Variants in ARAP3 observed in about 807,000 individuals in gnomAD.
The protein encoded by ARAP3 is arf-GAP with Rho-GAP domain, ANK repeat and PH domain-containing protein 3.
A neutral mutation model predicts 169.2 loss-of-function variants in ARAP3; 82 were observed. That is an observed-to-expected ratio of 0.48 (90% CI 0.41 to 0.58). ARAP3 has a LOEUF of 0.58. ARAP3 is among the 20% of genes least tolerant of loss of function. ARAP3 has a pLI of 0.00. For synonymous variants in ARAP3, 791 were observed against 800.3 expected (o/e 0.99, Z 0.20); for missense variants, 1,764 against 2,018.0 (o/e 0.87, Z 2.41).
At chr5:141,676,356 CA>C (rs1177595382) in intron 4 of ARAP3, among the ~76,000 whole-genome samples, 2 of 152,156 alleles carry the variant, frequency 1.3e-5, no homozygotes, top group East Asian at 1.9e-4. Flanking sequence ...TCAAAAACAA[CA>C]AAAAAACTCT....
At position 141,658,640 on chromosome 5, in the gene ARAP3, C is replaced by G. The variant is rs747712726; in HGVS notation, c.3350G>C (p.Gly1117Ala). The G allele has an allele frequency of 1.3e-6, 2 of 1,597,410 alleles. No individual in the cohort carries two copies. The highest frequency in any genetic ancestry group is 3.7e-5 in the Admixed American group (2 of 54,028). ...TWKDVQLSQA[G>A]DLIMEVYIEQ... ...TATATAAACTTCCATGATGAGGTCT[C>G]CAGCCTGAGACAGCTGAGGGGAGGG... The change falls in exon 24 of 33, where the codon GGA (glycine) becomes GCA (alanine). Residue 1117 changes from glycine (G) to alanine (A), a missense_variant. Gly to Ala is a moderately conservative substitution (Grantham distance 60, BLOSUM62 0). Transcript: ENST00000239440.
intron 4 of ARAP3, among the ~76,000 whole-genome samples, chr5:141,674,938 C>CAAATG (rs1287812459): frequency 1.3e-5 from 2 of 152,326 alleles, no homozygotes; most frequent in Middle Eastern, 3.4e-3. Flanking sequence ...GCAGATGAGA[C>CAAATG]CATTTTACTC....
rs948049982 is a variant in ARAP3, at chr5:141,680,075, G to C, written c.412C>G (p.Leu138Val). The change falls in exon 2 of 33, where the codon CTC becomes GTC. Residue 138 changes from leucine to valine, a missense_variant. Around this residue, in one of 3 missense-constraint regions of ARAP3, gnomAD observed 630 missense variants for 678.7 expected, o/e 0.93. Transcript: ENST00000239440. ...SPEPSPRPPP[L>V]PTSSSEQSSA... ...GACTGCTCAGAGGAGGAAGTGGGGAGAGGAGGAGGCCTTGGGCTGGGCTCT... is the reference window on the plus strand; with the variant it reads ...GACTGCTCAGAGGAGGAAGTGGGGACAGGAGGAGGCCTTGGGCTGGGCTCT... 2 of 1,613,966 alleles carry C rather than the reference G, an allele frequency of 1.2e-6. No individual in the cohort carries two copies. The highest frequency in any genetic ancestry group is 2.7e-5 in the African/African-American group (2 of 74,914).
chr5:141,655,857 C>T lies in ARAP3; in HGVS notation c.3972+12G>A. On this transcript the variant is annotated intron_variant, in intron 30 of 32. Transcript: ENST00000239440. ...CCACAGACCCAGCCCTCAGCCTTTTCTTTCCCCTCACCTGGGCTTTAAGGA... is the reference window on the plus strand; with the variant it reads ...CCACAGACCCAGCCCTCAGCCTTTTTTTTCCCCTCACCTGGGCTTTAAGGA... 1 of 1,614,098 alleles carries T rather than the reference C, an allele frequency of 6.2e-7. No homozygotes were observed. Among genetic ancestry groups the T allele is most frequent in the Non-Finnish European group, 8.5e-7 (1 of 1,179,948 alleles).
intron 16 of ARAP3, among the ~76,000 whole-genome samples, chr5:141,667,536 A>G (rs1437929474): frequency 6.8e-6 from 1 of 147,788 alleles, no homozygotes; most frequent in East Asian, 2.1e-4. Context: ...CGGGTTCAAG[A>G]GATTCTCCTG....
rs141150677 is a variant in ARAP3 at position 141,673,282 on chromosome 5, C to T, written c.972+119G>A. The T allele has an allele frequency of 6.5e-6, 10 of 1,550,054 alleles. No individual in the cohort carries two copies. The East Asian group carries it at 1.6e-4, about 25-fold the overall frequency. Reference sequence around the variant, plus strand: ...AGCCAGCTACTTTAAATGCTGACATCAGTCATGCAGTCACTGCCCCGCCCA... The same window carrying T: ...AGCCAGCTACTTTAAATGCTGACATTAGTCATGCAGTCACTGCCCCGCCCA... On this transcript the variant is annotated intron_variant, in intron 6 of 32. Transcript: ENST00000239440.
At chr5:141,654,560 G>A in intron 32 of ARAP3, 125 bp from the exon 33 acceptor site, 2 of 1,348,066 alleles carry the variant, frequency 1.5e-6, no homozygotes, top group Non-Finnish European at 2.0e-6. Context: ...TATGATTCTG[G>A]AACAACCCTG....
rs1198015791 is a variant in ARAP3, at chr5:141,662,074, T to C, written c.2982A>G (p.Ala994=). 6 of 1,614,070 alleles carry C rather than the reference T, an allele frequency of 3.7e-6. No homozygotes were observed. Among genetic ancestry groups the C allele is most frequent in the East Asian group, 2.2e-5 (1 of 44,886 alleles). Residue 994 remains alanine, a synonymous_variant, in exon 20 of 33, where the codon GCA becomes GCG. Coordinates refer to ENST00000239440, the MANE Select transcript of ARAP3 (RefSeq NM_022481.6). ...CCTCCCTCCAGCGAGGCAGCAACCGTGCAGAGGTCACAGGGTCATCGAGCT... is the reference window on the plus strand; with the variant it reads ...CCTCCCTCCAGCGAGGCAGCAACCGCGCAGAGGTCACAGGGTCATCGAGCT... The part of the protein sequence containing the change: ...FRELDDPVTS[A]RLLPRWREAA...
intron 32 of ARAP3, 75 bp from the exon 33 acceptor site, chr5:141,654,510 G>C (rs1473799277): frequency 6.0e-6 from 9 of 1,500,630 alleles, no homozygotes; most frequent in African/African-American, 2.8e-5. Flanking sequence ...CATTTACTGA[G>C]CTCTTCCTCT....
In ARAP3 at chr5:141,672,831, G is replaced by A. The variant is rs1157370742; in HGVS notation, c.1188C>T (p.Leu396=). The A allele has an allele frequency of 1.2e-6, 2 of 1,613,362 alleles. No individual in the cohort carries two copies. Among genetic ancestry groups the A allele is most frequent in the Non-Finnish European group, 1.7e-6 (2 of 1,179,660 alleles). ...HPRPPQPPRP[L]RTGMLELRGH... ...CACGCAGCTCCAGCATGCCCGTGCGGAGGGGTCGGGGTGGTTGGGGGGGCC... is the reference window on the plus strand; with the variant it reads ...CACGCAGCTCCAGCATGCCCGTGCGAAGGGGTCGGGGTGGTTGGGGGGGCC... Residue 396 remains leucine (L), a synonymous_variant, in exon 8 of 33, where the codon CTC becomes CTT. Coordinates refer to ENST00000239440, the MANE Select transcript of ARAP3 (RefSeq NM_022481.6). This position sits in a 1 kb window ranked among gnomAD's most constrained non-coding sequence, Gnocchi z 4.9.
At chr5:141,675,285 C>T (rs1473596299) in intron 4 of ARAP3, among the ~76,000 whole-genome samples, 2 of 152,234 alleles carry the variant, frequency 1.3e-5, no homozygotes, top group East Asian at 1.9e-4. Context: ...GGGTTCTCAA[C>T]CTCAACAGCA....
intron 25 of ARAP3, 91 bp downstream of exon 25, chr5:141,658,274 T>G: frequency 7.9e-7 from 1 of 1,264,340 alleles, no homozygotes; most frequent in Non-Finnish European, 1.1e-6. Flanking sequence ...ACCATTCATA[T>G]TTGGTAACAT....
intron 1 of ARAP3, 86 bp from the exon 2 acceptor site, chr5:141,680,589 C>G: frequency 6.9e-7 from 1 of 1,443,406 alleles, no homozygotes; most frequent in Non-Finnish European, 9.1e-7. Context: ...CAGTGAGCAC[C>G]AGCCTCCAAT....
At chr5:141,664,724 A>G (rs2099910412) in intron 19 of ARAP3, among the ~76,000 whole-genome samples, 198 bp downstream of exon 19, 1 of 152,154 alleles carries the variant, frequency 6.6e-6, no homozygotes, top group African/African-American at 2.4e-5. Context: ...CATTTTACAG[A>G]TGATGGAACT....
intron 2 of ARAP3, 70 bp from the exon 3 acceptor site, chr5:141,679,892 G>A (rs1323107495): frequency 5.0e-6 from 8 of 1,610,152 alleles, no homozygotes; most frequent in South Asian, 3.3e-5. Context: ...CCTGCTCCCC[G>A]CCTCCGTCCC....
chr5:141,655,213 A>ACACACC (rs1192021216), intron 32 of ARAP3, 149 bp downstream of exon 32: 25 of 593,410 alleles, frequency 4.2e-5, no homozygotes, highest in Admixed American at 8.3e-5. Flanking sequence ...ACACACACAC[A>ACACACC]CCCTGATGGC....
rs1422979802 is a variant in ARAP3 at position 141,654,245 on chromosome 5, T to C, written c.4340A>G (p.Gln1447Arg). 1.2e-6 allele frequency: 2 copies of C among 1,614,150 alleles called. No individual in the cohort carries two copies. The highest frequency in any genetic ancestry group is 1.7e-6 in the Non-Finnish European group (2 of 1,180,012). Residue 1447 changes from glutamine (Q) to arginine (R), a missense_variant, in exon 33 of 33, where the codon CAA becomes CGA. By Grantham distance (43) the Gln-to-Arg change is conservative. Transcript: ENST00000239440. Reference sequence around the variant, plus strand: ...GGTGCTTGACTTGGAGAGAAAGGGTTGATCCAATGACTTCTGGCTGGTGAG... The same window carrying C: ...GGTGCTTGACTTGGAGAGAAAGGGTCGATCCAATGACTTCTGGCTGGTGAG... ...NPLTSQKSLD[Q>R]PFLSKSSTLG...
chr5:141,677,121 G>C (rs893526572), intron 4 of ARAP3, among the ~76,000 whole-genome samples: 1 of 152,060 alleles, frequency 6.6e-6, no homozygotes, highest in African/African-American at 2.4e-5. Flanking sequence ...AAAATTAAAA[G>C]AAACAGGTGA....
chr5:141,679,004 C>T (rs966200680), intron 4 of ARAP3, among the ~76,000 whole-genome samples: 4 of 152,136 alleles, frequency 2.6e-5, no homozygotes, highest in Non-Finnish European at 5.9e-5. Flanking sequence ...AAGCACTTCT[C>T]CTGGTTGGGC....
Sources: allele counts gnomAD v4.1 joint callset (sites outside exome capture counted in the v4.1 genomes callset), GRCh38; gene constraint gnomAD v4.1.1; regional missense constraint gnomAD v4.1.1; non-coding constraint Gnocchi (gnomAD v3.1); transcripts MANE v1.5; gene names NCBI Gene and HGNC (gene_info 2026-07-23, HGNC 2026-07-21).